Variants in RAD18 observed in about 807,000 individuals in gnomAD.
RAD18 encodes RAD18 E3 ubiquitin protein ligase.
Under a neutral mutation model 60.4 loss-of-function variants are expected in RAD18, and 47 were observed. That is an observed-to-expected ratio of 0.78 (90% CI 0.62 to 0.99). The LOEUF is 0.99. RAD18 is among the 50% of genes least tolerant of loss of function. The pLI is 0.00. For synonymous variants in RAD18, 225 were observed against 195.5 expected (o/e 1.15, Z -1.26); for missense variants, 640 against 593.3 (o/e 1.08, Z -0.82).
At chr3:8,916,707 A>G (rs1288115933) in intron 7 of RAD18, among the ~76,000 whole-genome samples, 3 of 152,182 alleles carry the variant, frequency 2.0e-5, no homozygotes, top group Non-Finnish European at 4.4e-5. Context: ...GACACATAAA[A>G]CCAACACAGT....
At chr3:8,913,789 T>C in intron 7 of RAD18, 69 bp from the exon 8 acceptor site, 1 of 1,019,802 alleles carries the variant, frequency 9.8e-7, no homozygotes, top group Non-Finnish European at 1.4e-6. Flanking sequence ...AATAATTATT[T>C]AAGTTGTTAA....
At chr3:8,921,089 G>A (rs545044828) in intron 7 of RAD18, among the ~76,000 whole-genome samples, 2 of 152,180 alleles carry the variant, frequency 1.3e-5, no homozygotes, top group East Asian at 3.9e-4. Context: ...AGTTAAAGAA[G>A]AAAATATGTG....
At chr3:8,898,830 C>T in intron 11 of RAD18, 64 bp downstream of exon 11, 1 of 1,307,156 alleles carries the variant, frequency 7.7e-7, no homozygotes, top group South Asian at 1.7e-5. Flanking sequence ...TTATTTCTGC[C>T]TATCTATCTA....
intron 12 of RAD18, among the ~76,000 whole-genome samples, chr3:8,888,195 G>A (rs9845068): frequency 0.056 from 8,547 of 152,212 alleles, 799 homozygotes; most frequent in African/African-American, 0.19. Context: ...GGACCTGCAC[G>A]GTGTGCCATG....
chr3:8,958,818 A>G (rs1431511856), intron 2 of RAD18, 102 bp downstream of exon 2: 2 of 909,286 alleles, frequency 2.2e-6, no homozygotes, highest in East Asian at 2.5e-5. Context: ...TAGAAGAGCT[A>G]AAGGTGAAAC....
At chr3:8,887,577 T>C (rs750675650) in intron 12 of RAD18, among the ~76,000 whole-genome samples, 1 of 152,206 alleles carries the variant, frequency 6.6e-6, no homozygotes, top group South Asian at 2.1e-4. Context: ...GGCGTATCAT[T>C]TGCCCCAACT....
At chr3:8,935,807 T>G in intron 7 of RAD18, 64 bp downstream of exon 7, 2 of 1,343,520 alleles carry the variant, frequency 1.5e-6, no homozygotes, top group Non-Finnish European at 2.0e-6. Flanking sequence ...GGTTTATAAT[T>G]TCTGAGCTAC....
chr3:8,881,361 T>G lies in RAD18; in HGVS notation c.1484A>C (p.Asn495Thr), dbSNP rs1270303228. ...AAAAGTCAGCAAAAGCCCACATTAA[T>G]TCCTATTACGCTTGTTTCTTGGTTC... ...EIEPRNKRNR[N>T] is the part of the protein sequence containing the mutation. Residue 495 changes from asparagine (N) to threonine (T), a missense_variant, in exon 13 of 13, where the codon AAT becomes ACT. Coordinates refer to ENST00000264926, the MANE Select transcript of RAD18 (RefSeq NM_020165.4). 4 of 1,600,200 alleles carry G rather than the reference T, an allele frequency of 2.5e-6. No homozygotes were observed. In the South Asian group the frequency reaches 3.3e-5, roughly 13 times the overall value.
intron 4 of RAD18, among the ~76,000 whole-genome samples, chr3:8,945,643 TGTATTTTTA>T (rs898168343): frequency 2.6e-5 from 4 of 151,966 alleles, no homozygotes; most frequent in Non-Finnish European, 4.4e-5. Context: ...AGCTAATTTT[TGTATTTTTA>T]GTAGAGACAG....
At position 8,939,442 on chromosome 3, in the gene RAD18, T is replaced by C. The variant is rs915993485; in HGVS notation, c.704+112A>G. 1.2e-5 allele frequency: 10 copies of C among 828,850 alleles called. No individual in the cohort carries two copies. In the African/African-American group the frequency reaches 1.6e-4, roughly 13 times the overall value. The allele number at this position is 828,850 out of a possible 1,614,324, so 51.3% of individuals were successfully genotyped here. A position where few individuals can be genotyped will look rare whatever the true frequency, so the allele number is the denominator to read the frequency against. ...CAACAGGAGTAAAGAAGAAAGCAAG[T>C]AAGAGCAGGAAATACGGTCACCAGG... is the stretch of plus-strand genomic sequence containing the variant. On this transcript the variant is annotated intron_variant, in intron 6 of 12. Transcript: ENST00000264926.
chr3:8,877,833 G>A lies in RAD18; in HGVS notation c.*3524C>T, dbSNP rs1575527291. 1 of 152,346 alleles carries A rather than the reference G, an allele frequency of 6.6e-6. No individual in the cohort carries two copies. The highest frequency in any genetic ancestry group is 2.4e-5 in the African/African-American group (1 of 41,432). The allele number at this position is 152,346 out of a possible 1,614,324, so 9.4% of individuals were successfully genotyped here. A position where few individuals can be genotyped will look rare whatever the true frequency, so the allele number is the denominator to read the frequency against. ...GGTAAGGGGAAAGAGAAAAAAAAGG[G>A]GGTGGGGAAGAGAAAAGAGAAAGAG... On this transcript the variant is annotated 3_prime_UTR_variant, in exon 13 of 13. Transcript: ENST00000264926.
Position 8,958,866 on chromosome 3 carries a change from C to T in RAD18, c.133+54G>A, listed in dbSNP as rs1040592224. On this transcript the variant is annotated intron_variant, in intron 2 of 12. Transcript: ENST00000264926. ...ACATATCTTTGGTGTTAAATTAACA[C>T]TACCTCATGTAAAAATCGCAATTTA... is the stretch of plus-strand genomic sequence containing the variant. 1.3e-5 allele frequency: 17 copies of T among 1,342,898 alleles called. 1 individual carries two copies. Among genetic ancestry groups the T allele is most frequent in the Non-Finnish European group, 1.6e-5 (15 of 933,834 alleles). The allele number at this position is 1,342,898 out of a possible 1,614,324, so 83.2% of individuals were successfully genotyped here.
chr3:8,917,474 A>T (rs1940225682), intron 7 of RAD18, among the ~76,000 whole-genome samples: 1 of 152,198 alleles, frequency 6.6e-6, no homozygotes, highest in African/African-American at 2.4e-5. Flanking sequence ...ATGGTTTAAC[A>T]GTATATGTAA....
At chr3:8,929,813 T>C (rs2125062577) in intron 7 of RAD18, among the ~76,000 whole-genome samples, 1 of 152,228 alleles carries the variant, frequency 6.6e-6, no homozygotes, top group East Asian at 1.9e-4. Context: ...AGCTAATTTT[T>C]TGTATTTTAA....
At chr3:8,914,392 C>T (rs1201304988) in intron 7 of RAD18, among the ~76,000 whole-genome samples, 2 of 152,126 alleles carry the variant, frequency 1.3e-5, no homozygotes, top group African/African-American at 4.8e-5. Context: ...CTGGAATTTG[C>T]TTCAAAATAA....
intron 12 of RAD18, among the ~76,000 whole-genome samples, chr3:8,882,654 A>C (rs1163415200): frequency 6.6e-6 from 1 of 152,238 alleles, no homozygotes; most frequent in East Asian, 1.9e-4. Context: ...TATTTGGTGC[A>C]GGAAAGCAAG....
At position 8,958,968 on chromosome 3, in the gene RAD18, A is replaced by G. The variant is rs765171618; in HGVS notation, c.85T>C (p.Phe29Leu). ...IDDLLRCGIC[F>L]EYFNIAMIIP... ...ATCATTGCAATGTTGAAATACTCGA[A>G]GCAAATTCCACACCGCAGCAAATCA... is the stretch of plus-strand genomic sequence containing the variant. Residue 29 changes from phenylalanine to leucine, a missense_variant, in exon 2 of 13, where the codon TTC (phenylalanine) becomes CTC (leucine). By Grantham distance (22) the Phe-to-Leu change is conservative (BLOSUM62 0). Coordinates refer to ENST00000264926, the MANE Select transcript of RAD18 (RefSeq NM_020165.4). 1 of 1,613,948 alleles carries G rather than the reference A, an allele frequency of 6.2e-7. No individual in the cohort carries two copies. The highest frequency in any genetic ancestry group is 1.7e-5 in the Admixed American group (1 of 60,036).
At chr3:8,912,204 C>G (rs1940115920) in intron 9 of RAD18, 108 bp downstream of exon 9, 1 of 898,420 alleles carries the variant, frequency 1.1e-6, no homozygotes, top group Admixed American at 3.6e-5. Flanking sequence ...GTAATGTTAA[C>G]AAAAGTTTGA....
chr3:8,948,905 T>G (rs1940882422), intron 2 of RAD18, among the ~76,000 whole-genome samples: 1 of 152,176 alleles, frequency 6.6e-6, no homozygotes, highest in Non-Finnish European at 1.5e-5. Flanking sequence ...GCTTATCATT[T>G]GAAAATATAA....
Sources: gnomAD v4.1 joint callset for allele counts (sites outside exome capture counted in the v4.1 genomes callset) on GRCh38, gnomAD v4.1.1 for gene constraint, MANE v1.5 for transcripts, NCBI Gene and HGNC (gene_info 2026-07-23, HGNC 2026-07-21) for gene names.